Variants in ZNG1B observed in about 807,000 individuals in gnomAD.
ZNG1B encodes the protein zinc-regulated GTPase metalloprotein activator 1B.
the ZNG1B span, among the ~76,000 whole-genome samples, chr2:113,473,416 A>G: frequency 1.4e-5 from 2 of 147,604 alleles, no homozygotes; most frequent in East Asian, 2.2e-4. Flanking sequence ...TAGATATATA[A>G]TCATGTCATC....
the ZNG1B span, among the ~76,000 whole-genome samples, chr2:113,475,812 T>C: frequency 6.6e-6 from 1 of 152,308 alleles, no homozygotes; most frequent in East Asian, 1.9e-4. Flanking sequence ...ATGTTGAATA[T>C]TGGCCCCCAC....
chr2:113,489,484 A>ATAG, the ZNG1B span, among the ~76,000 whole-genome samples: 1 of 152,254 alleles, frequency 6.6e-6, no homozygotes, highest in South Asian at 2.1e-4. Flanking sequence ...CAGGCAACAA[A>ATAG]TAGCATGATG....
At chr2:113,461,439 T>C in the ZNG1B span, among the ~76,000 whole-genome samples, 1 of 151,864 alleles carries the variant, frequency 6.6e-6, no homozygotes, top group South Asian at 2.1e-4. Flanking sequence ...TTATAGAAAA[T>C]ATAAATAAGC....
the ZNG1B span, among the ~76,000 whole-genome samples, chr2:113,473,469 AC>A: frequency 6.7e-6 from 1 of 150,292 alleles, no homozygotes; most frequent in Non-Finnish European, 1.5e-5. Flanking sequence ...CTAATTGAAT[AC>A]CCTTTATTTC....
At chr2:113,445,534 AAT>A in the ZNG1B span, 1 of 157,198 alleles carries the variant, frequency 6.4e-6, no homozygotes, top group Admixed American at 6.1e-5. Flanking sequence ...TATAATACCT[AAT>A]ACAATGTAAG....
At chr2:113,450,751 A>T in the ZNG1B span, among the ~76,000 whole-genome samples, 1 of 147,218 alleles carries the variant, frequency 6.8e-6, no homozygotes, top group Non-Finnish European at 1.5e-5. Context: ...TTTCTTCTTG[A>T]TGTGGGAGAA....
At chr2:113,473,589 T>G in the ZNG1B span, among the ~76,000 whole-genome samples, 4 of 151,562 alleles carry the variant, frequency 2.6e-5, no homozygotes, top group Non-Finnish European at 5.9e-5. Context: ...ATGCTTCCAG[T>G]TTTTGCCCAT....
At chr2:113,465,890 A>G in the ZNG1B span, 5 of 984,974 alleles carry the variant, frequency 5.1e-6, no homozygotes, top group South Asian at 2.4e-4. Context: ...TTGGAAGTAC[A>G]GCAGAGGCCT....
chr2:113,453,496 G>A, the ZNG1B span, among the ~76,000 whole-genome samples: 3 of 150,780 alleles, frequency 2.0e-5, no homozygotes, highest in Non-Finnish European at 3.0e-5. Flanking sequence ...CAGGTGATCC[G>A]CCAGCCTCGG....
the ZNG1B span, among the ~76,000 whole-genome samples, chr2:113,467,292 CT>C: frequency 8.5e-6 from 1 of 117,120 alleles, no homozygotes; most frequent in Non-Finnish European, 1.7e-5. Context: ...AGTGGTAAGA[CT>C]TAAGTTGATT....
chr2:113,488,337 A>G, the ZNG1B span, among the ~76,000 whole-genome samples: 2 of 152,188 alleles, frequency 1.3e-5, no homozygotes, highest in African/African-American at 4.8e-5. Context: ...CATCAAGGGA[A>G]CACCCCGTAG....
At chr2:113,445,264 T>G in the ZNG1B span, 3 of 544,290 alleles carry the variant, frequency 5.5e-6, no homozygotes. Context: ...TTTTAAGCTG[T>G]TAATAGAATT....
chr2:113,446,978 G>A, the ZNG1B span, among the ~76,000 whole-genome samples: 4 of 150,092 alleles, frequency 2.7e-5, no homozygotes, highest in South Asian at 8.6e-4. Context: ...AAGGGAGGGG[G>A]TCAAGCAAGC....
the ZNG1B span, among the ~76,000 whole-genome samples, chr2:113,481,182 C>T: frequency 6.8e-5 from 7 of 102,292 alleles, no homozygotes; most frequent in East Asian, 2.5e-4. Flanking sequence ...TATGATTTTT[C>T]GAAATGTTTT....
chr2:113,476,568 G>A, the ZNG1B span, among the ~76,000 whole-genome samples: 1 of 148,292 alleles, frequency 6.7e-6, no homozygotes, highest in Non-Finnish European at 1.5e-5. Flanking sequence ...GAGGCGCTGC[G>A]TTCCTTTGGA....
At chr2:113,453,669 G>T in the ZNG1B span, among the ~76,000 whole-genome samples, 33 of 150,440 alleles carry the variant, frequency 2.2e-4, no homozygotes, top group Admixed American at 2.2e-3. Context: ...TGAAATCTTT[G>T]TTCATATAGA....
the ZNG1B span, among the ~76,000 whole-genome samples, chr2:113,438,216 G>A: frequency 6.6e-6 from 1 of 152,146 alleles, no homozygotes; most frequent in Non-Finnish European, 1.5e-5. Flanking sequence ...GGCCCCCTCT[G>A]CGTTAGATTC....
the ZNG1B span, chr2:113,494,551 C>G: frequency 1.1e-6 from 1 of 893,496 alleles, no homozygotes; most frequent in Non-Finnish European, 1.3e-6. Flanking sequence ...AATATTATTT[C>G]AAATAAATTA....
chr2:113,442,671 C>T, the ZNG1B span, among the ~76,000 whole-genome samples: 1 of 151,990 alleles, frequency 6.6e-6, no homozygotes. Flanking sequence ...ATTCTCAATA[C>T]TTTTCTTCAT....
Sources: gnomAD v4.1 joint callset for allele counts (sites outside exome capture counted in the v4.1 genomes callset) on GRCh38, gnomAD v4.1.1 for gene constraint, MANE v1.5 for transcripts, NCBI Gene and HGNC (gene_info 2026-07-23, HGNC 2026-07-21) for gene names.